Variants in GABRB2 observed in about 807,000 individuals in gnomAD.
The protein encoded by GABRB2 is gamma-aminobutyric acid type A receptor subunit beta2, also known as gamma-aminobutyric acid receptor subunit beta-2.
GABRB2 carries 16 observed loss-of-function variants against 54.7 expected under a neutral mutation model. That is an observed-to-expected ratio of 0.29 (90% CI 0.20 to 0.44). GABRB2 has a LOEUF of 0.44. GABRB2 is among the 20% of genes least tolerant of loss of function. The pLI, the probability that GABRB2 is intolerant of heterozygous loss-of-function variation, is 1.00. For missense variants in GABRB2, 355 were observed against 644.0 expected (o/e 0.55, Z 4.86); for synonymous variants, 244 against 233.8 (o/e 1.04, Z -0.40).
chr5:161,464,995 G>T (rs1758236068), intron 3 of GABRB2, among the ~76,000 whole-genome samples: 1 of 151,988 alleles, frequency 6.6e-6, no homozygotes, highest in Admixed American at 6.6e-5. Context: ...TTAGGCATTT[G>T]TCAAAACTCA....
At chr5:161,532,031 C>T (rs959212968) in intron 3 of GABRB2, among the ~76,000 whole-genome samples, 1 of 152,064 alleles carries the variant, frequency 6.6e-6, no homozygotes, top group Non-Finnish European at 1.5e-5. Flanking sequence ...TTACCTAAAA[C>T]TTACTATACA....
intron 9 of GABRB2, among the ~76,000 whole-genome samples, chr5:161,321,026 G>A (rs763793016): frequency 6.6e-6 from 1 of 151,918 alleles, no homozygotes; most frequent in Non-Finnish European, 1.5e-5. Flanking sequence ...GTGGGACATA[G>A]AAAAATGTAG....
At chr5:161,313,649 C>T (rs1455123446) in intron 9 of GABRB2, among the ~76,000 whole-genome samples, 4 of 152,072 alleles carry the variant, frequency 2.6e-5, no homozygotes, top group Non-Finnish European at 4.4e-5. Flanking sequence ...TGGTAGATAT[C>T]AACTTCAAAG....
intron 4 of GABRB2, among the ~76,000 whole-genome samples, chr5:161,424,977 C>T (rs1756956620): frequency 6.6e-6 from 1 of 152,064 alleles, no homozygotes; most frequent in Non-Finnish European, 1.5e-5. Context: ...GAGGAAGTCA[C>T]TACAGATATA....
intron 9 of GABRB2, among the ~76,000 whole-genome samples, chr5:161,310,625 G>A (rs1164893932): frequency 6.6e-6 from 1 of 152,158 alleles, no homozygotes; most frequent in Non-Finnish European, 1.5e-5. Context: ...AACCTAGGAC[G>A]ATGGCATGGT....
Position 161,336,655 on chromosome 5 carries a change from G to T in GABRB2, c.656C>A (p.Thr219Asn). The T allele has an allele frequency of 6.2e-7, 1 of 1,612,988 alleles. No homozygotes were observed. Among genetic ancestry groups the T allele is most frequent in the Non-Finnish European group, 8.5e-7 (1 of 1,179,426 alleles). Residue 219 changes from threonine to asparagine, a missense_variant, in exon 6 of 10, where the codon ACC becomes AAC. Transcript: ENST00000393959. ...QFSIVDYKLITKKVVFSTGSY... is the reference protein window; with the variant it reads ...QFSIVDYKLINKKVVFSTGSY... ...ACCTGTGGAAAAAACAACCTTCTTG[G>T]TGATAAGTTTGTAATCTACAATAGA...
intron 5 of GABRB2, among the ~76,000 whole-genome samples, chr5:161,360,729 A>T (rs974177127): frequency 2.0e-5 from 3 of 152,222 alleles, no homozygotes; most frequent in Admixed American, 6.5e-5. Context: ...CACCACAAAA[A>T]GAGAGGCAAT....
chr5:161,326,148 T>C (rs1053672851), intron 9 of GABRB2, among the ~76,000 whole-genome samples: 1 of 151,988 alleles, frequency 6.6e-6, no homozygotes, highest in African/African-American at 2.4e-5. Flanking sequence ...AATTCCTGAG[T>C]GAAACACTGA....
intron 3 of GABRB2, among the ~76,000 whole-genome samples, chr5:161,521,175 T>C (rs1462961730): frequency 6.6e-6 from 1 of 151,996 alleles, no homozygotes; most frequent in Non-Finnish European, 1.5e-5. Flanking sequence ...GCTGCCCCTT[T>C]AGGATTTACT....
intron 8 of GABRB2, chr5:161,329,674 A>C (rs939503617): frequency 6.6e-6 from 1 of 152,216 alleles, no homozygotes; most frequent in Non-Finnish European, 1.5e-5. Flanking sequence ...TCAAGGAAAT[A>C]ATCAGCTTTT....
intron 9 of GABRB2, among the ~76,000 whole-genome samples, chr5:161,303,716 C>G (rs1244378873): frequency 6.6e-6 from 1 of 152,110 alleles, no homozygotes; most frequent in African/African-American, 2.4e-5. Flanking sequence ...AACTGACACC[C>G]CTTTGCCTTA....
At chr5:161,480,536 G>A (rs977648073) in intron 3 of GABRB2, among the ~76,000 whole-genome samples, 1 of 152,122 alleles carries the variant, frequency 6.6e-6, no homozygotes, top group Middle Eastern at 3.4e-3. Context: ...GAGCAGATGT[G>A]CCTGGTACAG....
intron 9 of GABRB2, among the ~76,000 whole-genome samples, chr5:161,294,766 T>G (rs1757336524): frequency 6.6e-6 from 1 of 152,222 alleles, no homozygotes; most frequent in African/African-American, 2.4e-5. Context: ...TTTATAGTCT[T>G]GATATGAACA....
chr5:161,354,633 T>C (rs77943503), intron 5 of GABRB2, among the ~76,000 whole-genome samples: 3 of 152,066 alleles, frequency 2.0e-5, no homozygotes, highest in East Asian at 3.9e-4. Context: ...TTACAATCTA[T>C]AGTGGAAGGG....
chr5:161,323,346 A>G (rs1213642754), intron 9 of GABRB2, among the ~76,000 whole-genome samples: 1 of 152,142 alleles, frequency 6.6e-6, no homozygotes, highest in East Asian at 1.9e-4. Flanking sequence ...TAAAAATATA[A>G]GGGTCATTAT....
chr5:161,485,011 C>T (rs1038735369), intron 3 of GABRB2, among the ~76,000 whole-genome samples: 1 of 151,968 alleles, frequency 6.6e-6, no homozygotes, highest in Non-Finnish European at 1.5e-5. Flanking sequence ...TGCTAGGATC[C>T]CGAAGAGCTA....
chr5:161,490,175 A>G (rs1191269676), intron 3 of GABRB2, among the ~76,000 whole-genome samples: 1 of 151,764 alleles, frequency 6.6e-6, no homozygotes, highest in Admixed American at 6.6e-5. Flanking sequence ...AGCCTTAACA[A>G]TTTCACAAAT....
At chr5:161,318,785 A>T (rs1269812527) in intron 9 of GABRB2, among the ~76,000 whole-genome samples, 2 of 152,010 alleles carry the variant, frequency 1.3e-5, no homozygotes. Context: ...ATGACATTAC[A>T]CAAAGCTCAT....
intron 5 of GABRB2, among the ~76,000 whole-genome samples, chr5:161,402,677 G>A (rs997741129): frequency 6.6e-6 from 1 of 152,202 alleles, no homozygotes; most frequent in Non-Finnish European, 1.5e-5. Flanking sequence ...CTTTCAAGCT[G>A]TGGTCCCTGC....
Sources: gnomAD v4.1 joint callset for allele counts (sites outside exome capture counted in the v4.1 genomes callset) on GRCh38, gnomAD v4.1.1 for gene constraint, MANE v1.5 for transcripts, NCBI Gene and HGNC (gene_info 2026-07-23, HGNC 2026-07-21) for gene names.